Variants in JMJD1C observed in about 807,000 individuals in gnomAD.
The protein encoded by JMJD1C is jumonji domain containing 1C, also known as jumonji domain-containing protein 1C.
A neutral mutation model predicts 245.3 loss-of-function variants in JMJD1C; 31 were observed. The observed-to-expected ratio is 0.13, with a 90% CI of 0.09 to 0.17. The LOEUF is 0.17. Among genes scored for constraint, JMJD1C ranks in the 10% least tolerant of loss-of-function variants. The probability of loss-of-function intolerance (pLI) is 1.00; values close to 1 mark genes in which losing one functional copy is unlikely to be tolerated. For synonymous variants in JMJD1C, 1,057 were observed against 1,017.4 expected (o/e 1.04, Z -0.74); for missense variants, 2,691 against 3,000.2 (o/e 0.90, Z 2.41).
chr10:63,332,718 C>T (rs1942290395), intron 2 of JMJD1C, among the ~76,000 whole-genome samples: 1 of 152,094 alleles, frequency 6.6e-6, no homozygotes, highest in Non-Finnish European at 1.5e-5. Flanking sequence ...ATAATCATCT[C>T]TATGTTCCAT....
intron 2 of JMJD1C, among the ~76,000 whole-genome samples, chr10:63,367,055 C>G (rs1323077497): frequency 1.3e-5 from 2 of 152,116 alleles, no homozygotes; most frequent in Non-Finnish European, 2.9e-5. Flanking sequence ...ATTCAAGAGA[C>G]TAGTCCCAGC....
chr10:63,496,080 T>C (rs929751517), intron 1 of JMJD1C, among the ~76,000 whole-genome samples: 3 of 144,340 alleles, frequency 2.1e-5, no homozygotes, highest in Non-Finnish European at 4.5e-5. Context: ...AACCTAAATA[T>C]GATCAAGCCT....
chr10:63,329,639 G>A (rs12768634), intron 2 of JMJD1C, among the ~76,000 whole-genome samples: 3 of 151,842 alleles, frequency 2.0e-5, no homozygotes, highest in Admixed American at 1.3e-4. Flanking sequence ...CTCTGACTTA[G>A]AATGGTTCAA....
intron 1 of JMJD1C, among the ~76,000 whole-genome samples, chr10:63,459,879 T>C (rs1476354945): frequency 6.6e-6 from 1 of 152,210 alleles, no homozygotes; most frequent in Non-Finnish European, 1.5e-5. Context: ...CACAGTAGTA[T>C]GTAGGATTCA....
chr10:63,343,550 TTCTAC>T (rs1197165134), intron 2 of JMJD1C, among the ~76,000 whole-genome samples: 2 of 152,148 alleles, frequency 1.3e-5, no homozygotes, highest in African/African-American at 4.8e-5. Context: ...ACATCGCTGC[TTCTAC>T]TCTAATCATC....
intron 2 of JMJD1C, among the ~76,000 whole-genome samples, chr10:63,378,180 C>A (rs540738867): frequency 6.6e-6 from 1 of 151,952 alleles, no homozygotes; most frequent in Non-Finnish European, 1.5e-5. Context: ...ACAGAAACAA[C>A]TTTGTAAAAT....
intron 1 of JMJD1C, among the ~76,000 whole-genome samples, chr10:63,426,481 A>C (rs1329048774): frequency 1.3e-5 from 2 of 152,050 alleles, no homozygotes; most frequent in Non-Finnish European, 2.9e-5. Context: ...GACTAGCCTG[A>C]CCAACATGGT....
chr10:63,179,984 A>G (rs1843279417), intron 22 of JMJD1C, among the ~76,000 whole-genome samples: 1 of 152,148 alleles, frequency 6.6e-6, no homozygotes, highest in African/African-American at 2.4e-5. Flanking sequence ...ACTTAGCTGC[A>G]AACATATTTT....
rs1167442374 is a variant in JMJD1C, at chr10:63,198,661, A to G, written c.5343T>C (p.Asp1781=). Residue 1781 remains aspartate, a synonymous_variant, in exon 12 of 26, where the codon GAT becomes GAC. Coordinates refer to ENST00000399262, the MANE Select transcript of JMJD1C (RefSeq NM_032776.3). ...CATGTGTCCACAAACTCATAGCTTC[A>G]TCATCATATTGGTCAGGAGAAGAGA... ...DGFSSPDQYD[D]EAMSLWTHEN... is the part of the protein sequence containing the mutation. The G allele has an allele frequency of 6.2e-6, 10 of 1,612,704 alleles. No homozygotes were observed. Among genetic ancestry groups the G allele is most frequent in the African/African-American group, 4.0e-5 (3 of 74,882 alleles).
chr10:63,272,537 C>T lies in JMJD1C; in HGVS notation c.334-7773G>A, dbSNP rs148987784. ...AAGTTGCTGGGATTACAGGCATGAG[C>T]CACTGCTCCCAGCCAAGGTAACTTT... On this transcript the variant is annotated intron_variant, in intron 2 of 25. Coordinates refer to ENST00000399262, the MANE Select transcript of JMJD1C (RefSeq NM_032776.3). Among the ~76,000 whole-genome samples, 29 of 152,312 alleles carry T rather than the reference C, an allele frequency of 1.9e-4. 1 individual carries two copies. The East Asian group carries it at 5.4e-3, about 28-fold the overall frequency.
intron 13 of JMJD1C, among the ~76,000 whole-genome samples, chr10:63,195,555 C>T (rs1366335670): frequency 1.3e-5 from 2 of 151,996 alleles, no homozygotes; most frequent in African/African-American, 4.8e-5. Context: ...TATATTAAAC[C>T]TACTCAATCT....
At chr10:63,237,380 A>C (rs1850873071) in intron 3 of JMJD1C, among the ~76,000 whole-genome samples, 1 of 152,192 alleles carries the variant, frequency 6.6e-6, no homozygotes, top group Non-Finnish European at 1.5e-5. Context: ...AGTGCAATGA[A>C]TGTAACTTCC....
At chr10:63,464,948 A>C (rs946001725) in intron 1 of JMJD1C, among the ~76,000 whole-genome samples, 1 of 152,328 alleles carries the variant, frequency 6.6e-6, no homozygotes. Flanking sequence ...CACAGCCACC[A>C]CCACGGCCTC....
At chr10:63,476,455 A>C (rs1303755587) in intron 1 of JMJD1C, among the ~76,000 whole-genome samples, 1 of 152,108 alleles carries the variant, frequency 6.6e-6, no homozygotes, top group Non-Finnish European at 1.5e-5. Context: ...TAGGCTGGAC[A>C]GAGTAGCTCA....
chr10:63,394,675 T>C (rs560850646), intron 1 of JMJD1C, among the ~76,000 whole-genome samples: 3 of 152,188 alleles, frequency 2.0e-5, no homozygotes, highest in African/African-American at 4.8e-5. Flanking sequence ...AGAAACCCTG[T>C]GTCTACTAAT....
chr10:63,414,096 C>G lies in JMJD1C; in HGVS notation c.169-33614G>C, dbSNP rs947045421. Among the ~76,000 whole-genome samples, 4 of 151,096 alleles carry G rather than the reference C, an allele frequency of 2.6e-5. No homozygotes were observed. In the South Asian group the frequency reaches 8.3e-4, roughly 31 times the overall value. On this transcript the variant is annotated intron_variant, in intron 1 of 25. Transcript: ENST00000399262. ...CCACCTCCTGGGTTCATGCCATTCTCCTGCCTCAGCCTCCCGAGTAGCTGG... is the reference window on the plus strand; with the variant it reads ...CCACCTCCTGGGTTCATGCCATTCTGCTGCCTCAGCCTCCCGAGTAGCTGG...
intron 3 of JMJD1C, among the ~76,000 whole-genome samples, chr10:63,245,417 A>G (rs1852065474): frequency 6.7e-6 from 1 of 150,344 alleles, no homozygotes; most frequent in African/African-American, 2.4e-5. Flanking sequence ...GGCAAGGAGG[A>G]GCAAGTCATG....
intron 1 of JMJD1C, among the ~76,000 whole-genome samples, chr10:63,419,367 A>ACCAGAC: frequency 6.6e-6 from 1 of 152,094 alleles, no homozygotes; most frequent in Non-Finnish European, 1.5e-5. Context: ...AGCCTGGGCG[A>ACCAGAC]CAGAGCAAGA....
intron 1 of JMJD1C, among the ~76,000 whole-genome samples, chr10:63,459,996 C>T (rs1223913557): frequency 6.6e-6 from 1 of 152,172 alleles, no homozygotes; most frequent in Non-Finnish European, 1.5e-5. Context: ...AGAAAAATGG[C>T]TGCAGCAGTT....
Sources: gnomAD v4.1 joint callset for allele counts (sites outside exome capture counted in the v4.1 genomes callset) on GRCh38, gnomAD v4.1.1 for gene constraint, MANE v1.5 for transcripts, NCBI Gene and HGNC (gene_info 2026-07-23, HGNC 2026-07-21) for gene names.